ARK2N: variants seen among roughly 807,000 people sequenced by gnomAD.
ARK2N encodes protein ARK2N.
the ARK2N span, among the ~76,000 whole-genome samples, chr18:46,220,254 TGTTTAA>T: frequency 6.6e-6 from 1 of 152,202 alleles, no homozygotes; most frequent in African/African-American, 2.4e-5. Flanking sequence ...TGAGGACAGC[TGTTTAA>T]GTTTACTTGA....
chr18:46,258,211 C>T, the ARK2N span, among the ~76,000 whole-genome samples: 2 of 152,286 alleles, frequency 1.3e-5, no homozygotes, highest in South Asian at 2.1e-4. Context: ...CAGGCGTGAG[C>T]CACCATGCCC....
At chr18:46,186,914 GT>G in the ARK2N span, among the ~76,000 whole-genome samples, 3 of 151,260 alleles carry the variant, frequency 2.0e-5, no homozygotes, top group Non-Finnish European at 4.4e-5. Context: ...GAGTGCAGTG[GT>G]ATGATCTAGG....
chr18:46,196,342 A>C, the ARK2N span, among the ~76,000 whole-genome samples: 2 of 151,208 alleles, frequency 1.3e-5, no homozygotes, highest in Non-Finnish European at 2.9e-5. Context: ...GCTCACTGCA[A>C]GCTCTGCCTG....
chr18:46,223,392 G>A, the ARK2N span, among the ~76,000 whole-genome samples: 1 of 152,178 alleles, frequency 6.6e-6, no homozygotes, highest in African/African-American at 2.4e-5. Flanking sequence ...GTTGGTGACC[G>A]ACTTCATGAG....
At chr18:46,213,284 GCCACCGTGC>G in the ARK2N span, among the ~76,000 whole-genome samples, 2 of 151,930 alleles carry the variant, frequency 1.3e-5, no homozygotes, top group Non-Finnish European at 2.9e-5. Flanking sequence ...ACAAACGTGA[GCCACCGTGC>G]CCAGCCTTAA....
the ARK2N span, among the ~76,000 whole-genome samples, chr18:46,255,402 T>C: frequency 6.6e-6 from 1 of 151,192 alleles, no homozygotes; most frequent in African/African-American, 2.4e-5. Flanking sequence ...GTTTTTCTTT[T>C]TCTTTTTCTT....
chr18:46,194,201 G>A, the ARK2N span, among the ~76,000 whole-genome samples: 52 of 151,986 alleles, frequency 3.4e-4, 1 homozygote, highest in Admixed American at 3.3e-3. Context: ...GTTCTCCTGC[G>A]TTGGCCTCCC....
the ARK2N span, among the ~76,000 whole-genome samples, chr18:46,231,231 G>A: frequency 1.3e-5 from 2 of 152,116 alleles, no homozygotes; most frequent in East Asian, 3.9e-4. Flanking sequence ...ATTATTTGGA[G>A]GGCTCCAAGG....
chr18:46,191,215 G>A, the ARK2N span, among the ~76,000 whole-genome samples: 3 of 151,996 alleles, frequency 2.0e-5, no homozygotes, highest in Non-Finnish European at 4.4e-5. Context: ...TGAGTTTTAG[G>A]TTTGCAGAAA....
the ARK2N span, among the ~76,000 whole-genome samples, chr18:46,203,909 G>T: frequency 1.3e-5 from 2 of 152,108 alleles, no homozygotes; most frequent in Non-Finnish European, 2.9e-5. Context: ...GAGTCTGACT[G>T]ATTTGATTTA....
the ARK2N span, among the ~76,000 whole-genome samples, chr18:46,221,545 A>G: frequency 7.4e-6 from 1 of 135,858 alleles, no homozygotes; most frequent in Admixed American, 7.8e-5. Flanking sequence ...GGGTGACAGC[A>G]AGACTCCATT....
chr18:46,185,126 A>G, the ARK2N span, among the ~76,000 whole-genome samples: 1 of 152,348 alleles, frequency 6.6e-6, no homozygotes, highest in South Asian at 2.1e-4. Context: ...TTGTTTCATT[A>G]GTGGTCTTGG....
the ARK2N span, among the ~76,000 whole-genome samples, chr18:46,174,967 C>A: frequency 6.6e-6 from 1 of 152,214 alleles, no homozygotes; most frequent in Non-Finnish European, 1.5e-5. Context: ...CCAGTCAATG[C>A]GAGAGATGTG....
the ARK2N span, among the ~76,000 whole-genome samples, chr18:46,250,085 A>T: frequency 1.3e-5 from 2 of 149,402 alleles, no homozygotes; most frequent in African/African-American, 5.0e-5. Flanking sequence ...GATGATCTTT[A>T]TTCTCTCATC....
chr18:46,226,228 CCTA>C, the ARK2N span, among the ~76,000 whole-genome samples: 1 of 152,162 alleles, frequency 6.6e-6, no homozygotes, highest in Non-Finnish European at 1.5e-5. Flanking sequence ...TTGCTATGTG[CCTA>C]CTATGCAAGA....
At chr18:46,180,430 G>A in the ARK2N span, among the ~76,000 whole-genome samples, 2 of 152,370 alleles carry the variant, frequency 1.3e-5, no homozygotes, top group African/African-American at 4.8e-5. Flanking sequence ...TTTGGGGCAG[G>A]GCACGGTGGC....
At chr18:46,216,415 C>T in the ARK2N span, 10 of 1,614,008 alleles carry the variant, frequency 6.2e-6, no homozygotes, top group Non-Finnish European at 8.5e-6. The surrounding 1 kb of genome is among the most constrained non-coding windows in gnomAD (Gnocchi z 4.3). Flanking sequence ...GAGCCAAAAG[C>T]ACAAGGAGAG....
chr18:46,262,869 T>C, the ARK2N span: 1 of 1,535,820 alleles, frequency 6.5e-7, no homozygotes, highest in Non-Finnish European at 9.0e-7. Flanking sequence ...GAGGTCATAT[T>C]GTCTTCTGTT....
At chr18:46,213,412 C>G in the ARK2N span, among the ~76,000 whole-genome samples, 137 of 152,016 alleles carry the variant, frequency 9.0e-4, no homozygotes, top group African/African-American at 3.3e-3. Flanking sequence ...ATTTGACTGG[C>G]TTAAAAAAAA....
Sources: allele counts gnomAD v4.1 joint callset (sites outside exome capture counted in the v4.1 genomes callset), GRCh38; gene constraint gnomAD v4.1.1; non-coding constraint Gnocchi (gnomAD v3.1); transcripts MANE v1.5; gene names NCBI Gene and HGNC (gene_info 2026-07-23, HGNC 2026-07-21).